Variants in MEI4 observed in about 807,000 individuals in gnomAD.
MEI4 encodes meiosis-specific protein MEI4.
MEI4 carries 27 observed loss-of-function variants against 31.4 expected under a neutral mutation model. The observed-to-expected ratio is 0.86, with a 90% CI of 0.63 to 1.19. The LOEUF (loss-of-function observed/expected upper bound fraction) is 1.19. Ranked by LOEUF, MEI4 falls within the 50% of genes most tolerant of loss-of-function variation. The probability of loss-of-function intolerance (pLI) is 0.00; values close to 1 mark genes in which losing one functional copy is unlikely to be tolerated. For missense variants in MEI4, 329 were observed against 398.9 expected, an observed-to-expected ratio of 0.82 and a Z score of 1.49; for synonymous variants, 122 against 145.4, an observed-to-expected ratio of 0.84 and a Z score of 1.16.
At chr6:77,761,094 G>C in intron 2 of MEI4, 36 bp from the exon 3 acceptor site, 1 of 1,220,890 alleles carries the variant, frequency 8.2e-7, no homozygotes. Flanking sequence ...AATTTCAGCT[G>C]CATGAAGATA....
At chr6:77,772,023 T>C (rs1768330876) in intron 3 of MEI4, among the ~76,000 whole-genome samples, 1 of 151,840 alleles carries the variant, frequency 6.6e-6, no homozygotes, top group Non-Finnish European at 1.5e-5. Flanking sequence ...TTTGTGACTA[T>C]CATAAAATAA....
intron 3 of MEI4, among the ~76,000 whole-genome samples, chr6:77,785,392 C>T (rs1768709532): frequency 6.6e-6 from 1 of 152,004 alleles, no homozygotes; most frequent in Non-Finnish European, 1.5e-5. Context: ...AATTTGGTAT[C>T]TAGAAATACC....
chr6:77,826,749 A>T (rs1769960542), intron 3 of MEI4, among the ~76,000 whole-genome samples: 1 of 152,182 alleles, frequency 6.6e-6, no homozygotes, highest in Admixed American at 6.5e-5. Flanking sequence ...GGCAGTGTTG[A>T]TCCTTTCAGA....
At chr6:77,838,683 C>T (rs1261496214) in intron 4 of MEI4, among the ~76,000 whole-genome samples, 2 of 152,046 alleles carry the variant, frequency 1.3e-5, no homozygotes, top group African/African-American at 2.4e-5. Flanking sequence ...GAGTGGATCA[C>T]CTGAGGTCAG....
rs551282408 is a variant in MEI4, at chr6:77,744,041, A to T, written c.233-17089A>T. ...AGAAAAAACAGAGCAGAAAAACTGG[A>T]AACTCTAAAAAGCAGAGCACCTCTC... On this transcript the variant is annotated intron_variant, in intron 2 of 4. Coordinates refer to ENST00000684080, the MANE Select transcript of MEI4 (RefSeq NM_001322247.2). Among the ~76,000 whole-genome samples the T allele has an allele frequency of 2.6e-3, 402 of 152,326 alleles. 1 individual carries two copies. Among genetic ancestry groups the T allele is most frequent in the African/African-American group, 8.7e-3 (362 of 41,568 alleles).
intron 4 of MEI4, among the ~76,000 whole-genome samples, chr6:77,870,023 G>C (rs1582238104): frequency 6.6e-6 from 1 of 152,138 alleles, no homozygotes; most frequent in East Asian, 1.9e-4. Flanking sequence ...TGTCTTATAG[G>C]GAGGCTTCTC....
chr6:77,890,392 G>C (rs1771730683), intron 4 of MEI4, among the ~76,000 whole-genome samples: 1 of 152,216 alleles, frequency 6.6e-6, no homozygotes, highest in South Asian at 2.1e-4. Flanking sequence ...TTTCGGATTT[G>C]CATGGGGCCT....
chr6:77,676,566 C>A (rs1768849912), intron 1 of MEI4, among the ~76,000 whole-genome samples: 1 of 151,994 alleles, frequency 6.6e-6, no homozygotes, highest in Non-Finnish European at 1.5e-5. Flanking sequence ...ACCACTGAAG[C>A]CTTCAATAAG....
chr6:77,914,542 A>C (rs1264433561), intron 4 of MEI4, among the ~76,000 whole-genome samples: 3 of 152,090 alleles, frequency 2.0e-5, no homozygotes, highest in African/African-American at 7.2e-5. Flanking sequence ...TGCTGATAAG[A>C]ATAACTTATA....
intron 1 of MEI4, among the ~76,000 whole-genome samples, chr6:77,681,835 C>T (rs2127649388): frequency 6.6e-6 from 1 of 152,306 alleles, no homozygotes; most frequent in Non-Finnish European, 1.5e-5. Context: ...CTTTGCAAGC[C>T]TTCTGTCACG....
chr6:77,747,840 C>G lies in MEI4; in HGVS notation c.233-13290C>G, dbSNP rs145374282. Among the ~76,000 whole-genome samples the G allele has an allele frequency of 7.1e-3, 1,078 of 152,310 alleles. 11 individuals carry two copies. The highest frequency in any genetic ancestry group is 8.7e-3 in the Non-Finnish European group (591 of 68,026). ...CCTTTTACCTATTTACCTGTAAAAT[C>G]AAAAGCTGCTTAGTTACTTCCAAGA... On this transcript the variant is annotated intron_variant, in intron 2 of 4. Transcript: ENST00000684080.
chr6:77,658,547 G>C (rs1768442146), intron 1 of MEI4, among the ~76,000 whole-genome samples: 2 of 152,080 alleles, frequency 1.3e-5, no homozygotes, highest in South Asian at 4.1e-4. Context: ...GGTATGGAGA[G>C]AGAGTGGGCG....
intron 2 of MEI4, among the ~76,000 whole-genome samples, chr6:77,702,077 G>T (rs528533510): frequency 6.6e-5 from 10 of 152,304 alleles, no homozygotes; most frequent in African/African-American, 2.2e-4. Flanking sequence ...TCAGGAAACA[G>T]TTTTTAGCTA....
intron 4 of MEI4, among the ~76,000 whole-genome samples, chr6:77,883,745 A>ATATCTAT (rs55947073): frequency 7.3e-5 from 6 of 82,300 alleles, no homozygotes; most frequent in South Asian, 3.6e-4. Context: ...TATATATATA[A>ATATCTAT]CTTTGTCTTT....
intron 2 of MEI4, among the ~76,000 whole-genome samples, chr6:77,744,486 C>A (rs537253814): frequency 2.6e-5 from 4 of 152,000 alleles, no homozygotes; most frequent in African/African-American, 9.6e-5. Flanking sequence ...ACCAAATCTA[C>A]GTCTGATTGG....
At chr6:77,840,607 A>G (rs1335866412) in intron 4 of MEI4, among the ~76,000 whole-genome samples, 1 of 152,140 alleles carries the variant, frequency 6.6e-6, no homozygotes, top group African/African-American at 2.4e-5. Context: ...AATTTTTAAA[A>G]TTTTTAATGA....
At chr6:77,793,405 T>G (rs1768991503) in intron 3 of MEI4, among the ~76,000 whole-genome samples, 2 of 152,098 alleles carry the variant, frequency 1.3e-5, no homozygotes, top group Admixed American at 1.3e-4. Context: ...GTTCTTTGGG[T>G]TGAAATGAAA....
At chr6:77,739,978 C>T (rs1045814167) in intron 2 of MEI4, among the ~76,000 whole-genome samples, 1 of 151,942 alleles carries the variant, frequency 6.6e-6, no homozygotes, top group African/African-American at 2.4e-5. Context: ...TAGCTGTGTC[C>T]CAGAGATCCT....
At chr6:77,824,740 A>T (rs1769903228) in intron 3 of MEI4, among the ~76,000 whole-genome samples, 1 of 152,088 alleles carries the variant, frequency 6.6e-6, no homozygotes, top group South Asian at 2.1e-4. Flanking sequence ...TCTTCACATT[A>T]AGAAAAGAAA....
Sources: allele counts gnomAD v4.1 joint callset (sites outside exome capture counted in the v4.1 genomes callset), GRCh38; gene constraint gnomAD v4.1.1; transcripts MANE v1.5; gene names NCBI Gene and HGNC (gene_info 2026-07-23, HGNC 2026-07-21).